SNCAIP: variants seen among roughly 807,000 people sequenced by gnomAD.
SNCAIP encodes the protein synuclein alpha interacting protein, also known as synphilin-1.
SNCAIP carries 43 observed loss-of-function variants against 86.7 expected under a neutral mutation model. The observed-to-expected ratio is 0.50, with a 90% CI of 0.39 to 0.64. The LOEUF is 0.64. Ranked by LOEUF, SNCAIP falls within the 30% of genes least tolerant of loss-of-function variation. The pLI is 0.00. For synonymous variants in SNCAIP, 417 were observed against 427.2 expected, an observed-to-expected ratio of 0.98 and a Z score of 0.29; for missense variants, 981 against 1,103.1, an observed-to-expected ratio of 0.89 and a Z score of 1.57.
At chr5:122,356,164 A>T (rs1302203073) in intron 1 of SNCAIP, among the ~76,000 whole-genome samples, 2 of 142,240 alleles carry the variant, frequency 1.4e-5, no homozygotes, top group Admixed American at 7.4e-5. Flanking sequence ...CAGTGGCATG[A>T]ATGATCACAG....
intron 1 of SNCAIP, among the ~76,000 whole-genome samples, chr5:122,320,786 G>A (rs1364201125): frequency 6.6e-6 from 1 of 152,132 alleles, no homozygotes; most frequent in Non-Finnish European, 1.5e-5. Context: ...TAACTGCTTG[G>A]TCTGGTCCCC....
At chr5:122,315,076 G>A (rs1751429993) in intron 1 of SNCAIP, among the ~76,000 whole-genome samples, 1 of 152,210 alleles carries the variant, frequency 6.6e-6, no homozygotes, top group Non-Finnish European at 1.5e-5. Context: ...GTTATTCATT[G>A]CTGGATAACA....
chr5:122,450,879 T>C lies in SNCAIP; in HGVS notation c.2032T>C (p.Ser678Pro). 6.2e-7 allele frequency: 1 copy of C among 1,613,838 alleles called. No individual in the cohort carries two copies. The highest frequency in any genetic ancestry group is 8.5e-7 in the Non-Finnish European group (1 of 1,179,952). ...RQLMQRSLSE[S>P]DTDSNNSEDP... ...GCTGATGCAGAGGTCACTGAGTGAG[T>C]CTGACACAGACTCCAACAACTCTGA... Residue 678 changes from serine to proline, a missense_variant, in exon 10 of 11, where the codon TCT (serine) becomes CCT (proline). Transcript: ENST00000261368.
chr5:122,442,635 AT>A (rs1781309121), intron 7 of SNCAIP, among the ~76,000 whole-genome samples: 1 of 152,264 alleles, frequency 6.6e-6, no homozygotes, highest in Non-Finnish European at 1.5e-5. Flanking sequence ...ATTGAAAAAT[AT>A]GCTTTTCTAT....
At chr5:122,349,964 A>G (rs902116716) in intron 1 of SNCAIP, among the ~76,000 whole-genome samples, 9 of 152,298 alleles carry the variant, frequency 5.9e-5, no homozygotes, top group Middle Eastern at 3.4e-3. Context: ...CTTTGTAAAG[A>G]GCAGCTGTGT....
intron 1 of SNCAIP, among the ~76,000 whole-genome samples, chr5:122,382,181 A>T (rs1437595447): frequency 6.6e-6 from 1 of 152,176 alleles, no homozygotes; most frequent in African/African-American, 2.4e-5. Flanking sequence ...AGGTACACCA[A>T]TCAGACGTAG....
At chr5:122,352,608 TG>T (rs1440747238) in intron 1 of SNCAIP, among the ~76,000 whole-genome samples, 1 of 152,240 alleles carries the variant, frequency 6.6e-6, no homozygotes, top group Non-Finnish European at 1.5e-5. Context: ...GTCTATTTTT[TG>T]TTATCTCCAT....
intron 1 of SNCAIP, among the ~76,000 whole-genome samples, chr5:122,359,962 C>T (rs1761885418): frequency 6.6e-6 from 1 of 152,190 alleles, no homozygotes; most frequent in South Asian, 2.1e-4. Flanking sequence ...GAGAGAATCT[C>T]ATGCTGCAAG....
intron 10 of SNCAIP, among the ~76,000 whole-genome samples, chr5:122,461,888 C>T (rs1034458418): frequency 2.6e-5 from 4 of 152,168 alleles, no homozygotes; most frequent in South Asian, 2.1e-4. Context: ...AAGCTGGTCT[C>T]GAACTCCTGA....
intron 1 of SNCAIP, among the ~76,000 whole-genome samples, chr5:122,384,993 T>G (rs953147345): frequency 6.6e-6 from 1 of 152,132 alleles, no homozygotes; most frequent in African/African-American, 2.4e-5. Context: ...CCAGGCCTGT[T>G]CCCATACTGA....
chr5:122,329,470 C>T (rs1754826864), intron 1 of SNCAIP, among the ~76,000 whole-genome samples: 1 of 152,160 alleles, frequency 6.6e-6, no homozygotes, highest in African/African-American at 2.4e-5. Flanking sequence ...GGTCTCCTTT[C>T]TATCCCCATT....
chr5:122,340,222 G>A (rs984011500), intron 1 of SNCAIP, among the ~76,000 whole-genome samples: 1 of 152,096 alleles, frequency 6.6e-6, no homozygotes, highest in Admixed American at 6.6e-5. Context: ...GTTCACTGGA[G>A]AACATGGGAA....
At chr5:122,418,138 C>T (rs1180082554) in intron 3 of SNCAIP, among the ~76,000 whole-genome samples, 1 of 152,030 alleles carries the variant, frequency 6.6e-6, no homozygotes, top group African/African-American at 2.4e-5. Flanking sequence ...ATGGTATATC[C>T]AGAAAGGATG....
chr5:122,364,522 G>A (rs1178000487), intron 1 of SNCAIP, among the ~76,000 whole-genome samples: 1 of 152,064 alleles, frequency 6.6e-6, no homozygotes, highest in African/African-American at 2.4e-5. Flanking sequence ...GACTTTAACT[G>A]GATATTCGAA....
At chr5:122,462,950 A>C (rs1786780611) in intron 10 of SNCAIP, among the ~76,000 whole-genome samples, 1 of 152,194 alleles carries the variant, frequency 6.6e-6, no homozygotes, top group Admixed American at 6.5e-5. Context: ...AGCAGGTATC[A>C]AGTACTGAGG....
At chr5:122,380,842 T>G (rs1438959090) in intron 1 of SNCAIP, among the ~76,000 whole-genome samples, 1 of 152,210 alleles carries the variant, frequency 6.6e-6, no homozygotes, top group Non-Finnish European at 1.5e-5. Context: ...TCCATGTAGT[T>G]GAGCAGTTTT....
intron 3 of SNCAIP, among the ~76,000 whole-genome samples, chr5:122,413,087 G>T (rs1320946337): frequency 6.6e-6 from 1 of 152,164 alleles, no homozygotes; most frequent in Non-Finnish European, 1.5e-5. Context: ...CAAAGCAGCT[G>T]CTGAGAGCTC....
chr5:122,462,131 A>G (rs1786503038), intron 10 of SNCAIP, among the ~76,000 whole-genome samples: 1 of 152,158 alleles, frequency 6.6e-6, no homozygotes, highest in Non-Finnish European at 1.5e-5. Flanking sequence ...GTTAGTATAT[A>G]GAGAGCTTCT....
rs563542105 is a variant in SNCAIP at position 122,390,190 on chromosome 5, A to G, written c.-46-899A>G. 2.0e-5 allele frequency among the ~76,000 whole-genome samples: 3 copies of G among 152,300 alleles called. No homozygotes were observed. The East Asian group carries it at 5.8e-4, about 29-fold the overall frequency. ...GATAATTTTTACAATAAGAAAGACA[A>G]GTTGCAGGAAGCAGAGGCTGATTTT... is the stretch of plus-strand genomic sequence containing the variant. On this transcript the variant is annotated intron_variant, in intron 1 of 10. Transcript: ENST00000261368.
Sources: gnomAD v4.1 joint callset for allele counts (sites outside exome capture counted in the v4.1 genomes callset) on GRCh38, gnomAD v4.1.1 for gene constraint, MANE v1.5 for transcripts, NCBI Gene and HGNC (gene_info 2026-07-23, HGNC 2026-07-21) for gene names.